The following SLC25A25 variants were observed in gnomAD, a reference collection of about 807,000 sequenced individuals.
SLC25A25 encodes solute carrier family 25 member 25.
A neutral mutation model predicts 57.7 loss-of-function variants in SLC25A25; 32 were observed. The observed-to-expected ratio is 0.55, with a 90% confidence interval of 0.42 to 0.74. The LOEUF is 0.74. Among genes scored for constraint, SLC25A25 ranks in the 30% least tolerant of loss-of-function variants. The pLI is 0.00. For missense variants in SLC25A25, 556 were observed against 701.3 expected (o/e 0.79, Z 2.34); for synonymous variants, 306 against 291.2 (o/e 1.05, Z -0.52).
In SLC25A25 at chr9:128,068,442, CG is replaced by C. The variant is rs920383823; in HGVS notation, c.128del (p.Gly43AlafsTer59). ...VGDPCGGAIC[G>X]GPDHRLRLWR... Reference sequence around the variant, plus strand: ...GGGACCCCTGCGGCGGCGCTATCTGCGGGGGCCCGGACCACCGGCTGCGCCT... The same window carrying C: ...GGGACCCCTGCGGCGGCGCTATCTGCGGGGCCCGGACCACCGGCTGCGCCT... On this transcript the variant is annotated frameshift_variant, in exon 1 of 11. Transcript: ENST00000373069. LOFTEE classifies it high-confidence loss of function. The C allele has an allele frequency of 3.2e-6, 5 of 1,556,270 alleles. No homozygotes were observed. Among genetic ancestry groups the C allele is most frequent in the East Asian group, 2.4e-5 (1 of 41,468 alleles).
In SLC25A25 at chr9:128,102,552, C is replaced by T; in HGVS notation, c.624+71C>T. 7.8e-7 allele frequency: 1 copy of T among 1,277,376 alleles called. No homozygotes were observed. The highest frequency in any genetic ancestry group is 1.1e-6 in the Non-Finnish European group (1 of 903,904). The allele number at this position is 1,277,376 out of a possible 1,614,324, so 79.1% of individuals were successfully genotyped here. On this transcript the variant is annotated intron_variant, in intron 5 of 10. Coordinates refer to ENST00000373069, the MANE Select transcript of SLC25A25 (RefSeq NM_001330988.2). The surrounding 1 kb of genome is among the most constrained non-coding windows in gnomAD (Gnocchi z 4.1). Reference sequence around the variant, plus strand: ...TAGCCCAGAGTCACCCAGTCGTCCCCATCCCAGAGTGCAGCTGGGGCTTTC... The same window carrying T: ...TAGCCCAGAGTCACCCAGTCGTCCCTATCCCAGAGTGCAGCTGGGGCTTTC...
intron 1 of SLC25A25, among the ~76,000 whole-genome samples, chr9:128,090,538 C>T (rs888632869): frequency 5.4e-5 from 8 of 148,004 alleles, no homozygotes; most frequent in Admixed American, 2.7e-4. Context: ...GGGCCATGCG[C>T]GGTGGCTCGC....
At chr9:128,089,667 C>T (rs1044695944) in intron 1 of SLC25A25, among the ~76,000 whole-genome samples, 1 of 147,344 alleles carries the variant, frequency 6.8e-6, no homozygotes, top group Non-Finnish European at 1.5e-5. Flanking sequence ...CAGGATCTCC[C>T]TGTCACCCAG....
rs949778729 is a variant in SLC25A25 at position 128,102,660 on chromosome 9, C to T, written c.624+179C>T. Among the ~76,000 whole-genome samples the T allele has an allele frequency of 4.6e-5, 7 of 152,330 alleles. No individual in the cohort carries two copies. The highest frequency in any genetic ancestry group is 1.2e-4 in the African/African-American group (5 of 41,564). ...TCCGCATGTTCCCCATGTTCTGGCA[C>T]TCCAGCCAACCTGAACAGCCCCATC... On this transcript the variant is annotated intron_variant, in intron 5 of 10. Transcript: ENST00000373069. This position sits in a 1 kb window ranked among gnomAD's most constrained non-coding sequence, Gnocchi z 4.1.
chr9:128,103,762 C>G lies in SLC25A25; in HGVS notation c.706C>G (p.Leu236Val), dbSNP rs771041847. 1 of 1,613,934 alleles carries G rather than the reference C, an allele frequency of 6.2e-7. No individual in the cohort carries two copies. The change falls in exon 6 of 11, where the codon CTG (leucine) becomes GTG (valine). Residue 236 changes from leucine (L) to valine (V), a missense_variant. Coordinates refer to ENST00000373069, the MANE Select transcript of SLC25A25 (RefSeq NM_001330988.2). This position sits in a 1 kb window ranked among gnomAD's most constrained non-coding sequence, Gnocchi z 6.7. ...ERQTGMWWRH[L>V]VAGGGAGAVS... ...GCAGACGGGGATGTGGTGGAGACAC[C>G]TGGTGGCAGGAGGTGGGGCAGGGGC...
intron 1 of SLC25A25, among the ~76,000 whole-genome samples, chr9:128,083,265 G>T (rs12348948): frequency 0.74 from 105,832 of 143,734 alleles, 40,730 homozygotes; most frequent in Non-Finnish European, 0.85. Context: ...GTTTTTTTTT[G>T]TTTGTTTTGG....
chr9:128,099,287 A>G lies in SLC25A25; in HGVS notation c.262-1809A>G, dbSNP rs1192410896. On this transcript the variant is annotated intron_variant, in intron 1 of 10. Coordinates refer to ENST00000373069, the MANE Select transcript of SLC25A25 (RefSeq NM_001330988.2). This position sits in a 1 kb window ranked among gnomAD's most constrained non-coding sequence, Gnocchi z 6.8. ...CTGCTACCCCCAGTGCCCACTGTGC[A>G]CCAAGGGGGATTTGCAGATCCAAGG... 2.3e-6 allele frequency: 3 copies of G among 1,285,410 alleles called. No individual in the cohort carries two copies. The highest frequency in any genetic ancestry group is 2.5e-5 in the South Asian group (2 of 80,714). 79.6% of individuals were successfully genotyped at this position (1,285,410 alleles called of 1,614,324 possible).
intron 1 of SLC25A25, among the ~76,000 whole-genome samples, chr9:128,077,037 C>T (rs1188044584): frequency 1.3e-5 from 2 of 152,182 alleles, no homozygotes; most frequent in African/African-American, 4.8e-5. Context: ...AGGAGCAAGA[C>T]AGAAAAGTGA....
At chr9:128,079,383 A>G (rs2130788783) in intron 1 of SLC25A25, among the ~76,000 whole-genome samples, 1 of 149,184 alleles carries the variant, frequency 6.7e-6, no homozygotes, top group African/African-American at 2.5e-5. Context: ...ACTCTCAAAA[A>G]CCATTGATTG....
At chr9:128,093,098 ACATTTAAGAAATAAAAGCT>A (rs1764149537) in intron 1 of SLC25A25, among the ~76,000 whole-genome samples, 1 of 152,264 alleles carries the variant, frequency 6.6e-6, no homozygotes, top group East Asian at 1.9e-4. Flanking sequence ...ATGAATTGCT[ACATTTAAGAAATAAAAGCT>A]CATTTTGCCT....
At chr9:128,105,596 A>C (rs1416120776) in intron 6 of SLC25A25, 133 bp from the exon 7 acceptor site, 8 of 1,360,712 alleles carry the variant, frequency 5.9e-6, no homozygotes, top group Non-Finnish European at 3.1e-6. Flanking sequence ...CATGATTCCA[A>C]GCTTGTCTTC....
At chr9:128,105,999 C>G (rs1834015614) in intron 7 of SLC25A25, 118 bp downstream of exon 7, 2 of 1,538,356 alleles carry the variant, frequency 1.3e-6, no homozygotes, top group Non-Finnish European at 8.9e-7. Flanking sequence ...ACCCCAGGGA[C>G]AGCAGGGCGA....
intron 1 of SLC25A25, among the ~76,000 whole-genome samples, chr9:128,070,674 G>T (rs1033252394): frequency 6.6e-6 from 1 of 151,870 alleles, no homozygotes; most frequent in Non-Finnish European, 1.5e-5. Context: ...ATGGCTGGCC[G>T]GGCACAGTGG....
At position 128,102,335 on chromosome 9, in the gene SLC25A25, G is replaced by T. The variant is rs372775087; in HGVS notation, c.513-35G>T. On this transcript the variant is annotated intron_variant, in intron 4 of 10. Coordinates refer to ENST00000373069, the MANE Select transcript of SLC25A25 (RefSeq NM_001330988.2). The surrounding 1 kb of genome is among the most constrained non-coding windows in gnomAD (Gnocchi z 4.1). Reference sequence around the variant, plus strand: ...GGGGATGCAGCTGGCGGATGGGCATGTGGGCACGTGGGCAGCCTCGCCTCT... The same window carrying T: ...GGGGATGCAGCTGGCGGATGGGCATTTGGGCACGTGGGCAGCCTCGCCTCT... The T allele has an allele frequency of 2.1e-4, 337 of 1,578,334 alleles. 1 individual carries two copies. Among genetic ancestry groups the T allele is most frequent in the Middle Eastern group, 5.0e-4 (3 of 6,008 alleles).
At chr9:128,087,447 T>G (rs903356761) in intron 1 of SLC25A25, among the ~76,000 whole-genome samples, 2 of 152,142 alleles carry the variant, frequency 1.3e-5, no homozygotes, top group African/African-American at 4.8e-5. Flanking sequence ...CATTCTTATC[T>G]GTATGTAATG....
chr9:128,109,038 A>T lies in SLC25A25; in HGVS notation c.*1594A>T, dbSNP rs1254655112. On this transcript the variant is annotated 3_prime_UTR_variant, in exon 11 of 11. Coordinates refer to ENST00000373069, the MANE Select transcript of SLC25A25 (RefSeq NM_001330988.2). The stretch of plus-strand genomic sequence containing the variant: ...CAGCCTTCTGCTGCCCTTGCTTAAC[A>T]ATGCCGGCCAACTGGCGACCTCACG... 2 of 152,356 alleles carry T rather than the reference A, an allele frequency of 1.3e-5. No homozygotes were observed. The highest frequency in any genetic ancestry group is 4.8e-5 in the African/African-American group (2 of 41,402). 9.4% of individuals were successfully genotyped at this position (152,356 alleles called of 1,614,324 possible).
chr9:128,079,679 A>G (rs1833101907), intron 1 of SLC25A25, among the ~76,000 whole-genome samples: 1 of 146,950 alleles, frequency 6.8e-6, no homozygotes, highest in South Asian at 2.1e-4. Flanking sequence ...GGGGAGGCTG[A>G]GGTAGGAGAA....
chr9:128,098,453 C>G, intron 1 of SLC25A25: 1 of 1,467,706 alleles, frequency 6.8e-7, no homozygotes, highest in African/African-American at 1.4e-5. Context: ...AGGGCTTAAG[C>G]AGCCAATGAC....
chr9:128,080,349 C>CAAT (rs1404276133), intron 1 of SLC25A25, among the ~76,000 whole-genome samples: 1,737 of 108,650 alleles, frequency 0.016, 32 homozygotes, highest in African/African-American at 0.059. Flanking sequence ...GACTCCATCC[C>CAAT]AAAAAAAAAA....
Sources: gnomAD v4.1 joint callset for allele counts (sites outside exome capture counted in the v4.1 genomes callset) on GRCh38, gnomAD v4.1.1 for gene constraint, Gnocchi (gnomAD v3.1) non-coding constraint, MANE v1.5 for transcripts, NCBI Gene and HGNC (gene_info 2026-07-23, HGNC 2026-07-21) for gene names.